DOK1: variants seen among roughly 807,000 people sequenced by gnomAD.
DOK1 encodes docking protein 1.
A neutral mutation model predicts 24.0 loss-of-function variants in DOK1; 12 were observed. The observed-to-expected ratio is 0.50, with a 90% CI of 0.32 to 0.81. The LOEUF is 0.81. DOK1 is among the 30% of genes least tolerant of loss of function. The pLI is 0.03. For missense variants in DOK1, 591 were observed against 620.7 expected, an observed-to-expected ratio of 0.95 and a Z score of 0.51; for synonymous variants, 250 against 260.9, an observed-to-expected ratio of 0.96 and a Z score of 0.40.
At chr2:74,549,933 G>T (rs1676893205), upstream of DOK1, 24 of 981,844 alleles carry the variant, frequency 2.4e-5, no homozygotes, top group Non-Finnish European at 2.9e-5. This position sits in a 1 kb window ranked among gnomAD's most constrained non-coding sequence, Gnocchi z 5.3. Context: ...GAGAAGGAGA[G>T]CACCAGGTGC....
chr2:74,556,944 C>T lies in DOK1; in HGVS notation c.1276C>T (p.Gln426Ter). 1 of 1,614,144 alleles carries T rather than the reference C, an allele frequency of 6.2e-7. No individual in the cohort carries two copies. Among genetic ancestry groups the T allele is most frequent in the Non-Finnish European group, 8.5e-7 (1 of 1,179,992 alleles). ...STKPLLAPKPQGPAFPEPGTA... is the reference protein window; with the variant it reads ...STKPLLAPKP ...AAAGCCCCTCCTTGCTCCCAAGCCCCAGGGCCCAGCCTTCCCTGAACCTGG... is the reference window on the plus strand; with the variant it reads ...AAAGCCCCTCCTTGCTCCCAAGCCCTAGGGCCCAGCCTTCCCTGAACCTGG... Residue 426 changes from glutamine (Q) to a stop codon, truncating the protein, a stop_gained, in exon 5 of 5, where the codon CAG (glutamine) becomes TAG (stop). Transcript: ENST00000233668. LOFTEE classifies it low-confidence loss of function (END_TRUNC). The surrounding 1 kb of genome is among the most constrained non-coding windows in gnomAD (Gnocchi z 4.1).
upstream of DOK1, chr2:74,554,714 C>A (rs1370701971): frequency 5.6e-6 from 9 of 1,603,566 alleles, no homozygotes; most frequent in Non-Finnish European, 6.0e-6. This position sits in a 1 kb window ranked among gnomAD's most constrained non-coding sequence, Gnocchi z 4.9. Flanking sequence ...CCCCGCCTCC[C>A]GCCGCAGGGC....
chr2:74,552,492 C>G (rs1677079370), upstream of DOK1: 1 of 1,613,418 alleles, frequency 6.2e-7, no homozygotes, highest in South Asian at 1.1e-5. Context: ...CCTGGGGAAG[C>G]CAGCCAGCCG....
In DOK1 at chr2:74,557,050, G is replaced by A; in HGVS notation, c.1382G>A (p.Trp461Ter). Reference protein sequence around the residue: ...QVQKSGASGSWDCGLSRVGTD... With the variant: ...QVQKSGASGS ...CAGAAGAGCGGGGCCTCAGGGAGCT[G>A]GGACTGTGGGCTCTCTAGAGTAGGG... Residue 461 changes from tryptophan (W) to a stop codon, truncating the protein, a stop_gained, in exon 5 of 5, where the codon TGG becomes TAG. Coordinates refer to ENST00000233668, the MANE Select transcript of DOK1 (RefSeq NM_001381.5). LOFTEE classifies it high-confidence loss of function. The A allele has an allele frequency of 6.2e-7, 1 of 1,614,148 alleles. No homozygotes were observed. The highest frequency in any genetic ancestry group is 8.5e-7 in the Non-Finnish European group (1 of 1,180,046).
At chr2:74,554,631 A>G, upstream of DOK1, 1 of 867,758 alleles carries the variant, frequency 1.2e-6, no homozygotes, top group South Asian at 1.7e-5. The surrounding 1 kb of genome is among the most constrained non-coding windows in gnomAD (Gnocchi z 4.9). Flanking sequence ...CCCCACCGCG[A>G]CCCCCCCAGC....
rs746386880 is a variant in DOK1, at chr2:74,556,323, G to C, written c.655G>C (p.Glu219Gln). ...CCCTCCTTAGGTCATGTTCTCTTTC[G>C]AGGCCGGCCGCCGCTGCCCCTCAGG... ...YGRDKVMFSF[E>Q]AGRRCPSGPG... is the part of the protein sequence containing the mutation. The change falls in exon 5 of 5, where the codon GAG becomes CAG. Residue 219 changes from glutamate (E) to glutamine (Q), a missense_variant. Coordinates refer to ENST00000233668, the MANE Select transcript of DOK1 (RefSeq NM_001381.5). The surrounding 1 kb of genome is among the most constrained non-coding windows in gnomAD (Gnocchi z 4.1). 53 of 1,612,234 alleles carry C rather than the reference G, an allele frequency of 3.3e-5. No homozygotes were observed. The highest frequency in any genetic ancestry group is 1.0e-4 in the Admixed American group (6 of 59,976).
chr2:74,550,351 G>A (rs143795234), upstream of DOK1: 36 of 1,612,768 alleles, frequency 2.2e-5, 1 homozygote, highest in East Asian at 7.6e-4. Flanking sequence ...GATGCGGCCT[G>A]TGGAAGGGGA....
At chr2:74,550,584 TA>T (rs1676943527), upstream of DOK1, among the ~76,000 whole-genome samples, 1 of 152,096 alleles carries the variant, frequency 6.6e-6, no homozygotes, top group Non-Finnish European at 1.5e-5. Context: ...ATACGGTGAA[TA>T]AAAAACCAAG....
rs762496203 is a variant in DOK1, at chr2:74,556,091, T to C, written c.639+13T>C. The C allele has an allele frequency of 1.3e-6, 2 of 1,564,766 alleles. No individual in the cohort carries two copies. Among genetic ancestry groups the C allele is most frequent in the Admixed American group, 3.7e-5 (2 of 54,226 alleles). ...TGGCCGGGACAAGGTGCAGGGGCTG[T>C]CCGGGAGGGCTTCCTGGGTTGGGCA... is the stretch of plus-strand genomic sequence containing the variant. On this transcript the variant is annotated intron_variant, in intron 4 of 4. Transcript: ENST00000233668. The surrounding 1 kb of genome is among the most constrained non-coding windows in gnomAD (Gnocchi z 4.1).
In DOK1 at chr2:74,555,237, G is replaced by T; in HGVS notation, c.144G>T (p.Ser48=). The T allele has an allele frequency of 6.2e-7, 1 of 1,613,788 alleles. No individual in the cohort carries two copies. ...ARLEFFDHKG[S]SSGGGRGSSR... is the part of the protein sequence containing the mutation. The stretch of plus-strand genomic sequence containing the variant: ...TCGAGTTCTTTGACCATAAGGGGTC[G>T]AGCTCTGGGGGTGGCCGAGGGAGCT... The change falls in exon 2 of 5, where the codon TCG becomes TCT. Residue 48 remains serine (S), a synonymous_variant. Coordinates refer to ENST00000233668, the MANE Select transcript of DOK1 (RefSeq NM_001381.5). This position sits in a 1 kb window ranked among gnomAD's most constrained non-coding sequence, Gnocchi z 6.1.
chr2:74,556,485 G>A lies in DOK1; in HGVS notation c.817G>A (p.Glu273Lys). Reference sequence around the variant, plus strand: ...TCTCAGAGCTGACTCCCATGAAGGGGAGGTGGCAGAGGGGAAGTTGCCTTC... The same window carrying A: ...TCTCAGAGCTGACTCCCATGAAGGGAAGGTGGCAGAGGGGAAGTTGCCTTC... ...DVLRADSHEGEVAEGKLPSPP... is the reference protein window; with the variant it reads ...DVLRADSHEGKVAEGKLPSPP... The change falls in exon 5 of 5, where the codon GAG (glutamate) becomes AAG (lysine). Residue 273 changes from glutamate (E) to lysine (K), a missense_variant. By Grantham distance (56) the Glu-to-Lys change is moderately conservative. Coordinates refer to ENST00000233668, the MANE Select transcript of DOK1 (RefSeq NM_001381.5). This position sits in a 1 kb window ranked among gnomAD's most constrained non-coding sequence, Gnocchi z 4.1. The A allele has an allele frequency of 6.2e-7, 1 of 1,614,206 alleles. No individual in the cohort carries two copies. The highest frequency in any genetic ancestry group is 1.3e-5 in the African/African-American group (1 of 75,054).
rs374291272 is a variant in DOK1 at position 74,556,147 on chromosome 2, T to A, written c.639+69T>A. The A allele has an allele frequency of 2.2e-5, 34 of 1,532,114 alleles. No individual in the cohort carries two copies. The East Asian group carries it at 3.4e-4, about 15-fold the overall frequency. 94.9% of individuals were successfully genotyped at this position (1,532,114 alleles called of 1,614,324 possible). On this transcript the variant is annotated intron_variant, in intron 4 of 4. Coordinates refer to ENST00000233668, the MANE Select transcript of DOK1 (RefSeq NM_001381.5). The surrounding 1 kb of genome is among the most constrained non-coding windows in gnomAD (Gnocchi z 4.1). ...GGGAGGGGTGGGGCAGGACAGAAAG[T>A]GGGAAGCTCTGACCTTTGGATCCCC...
rs1372325780 is a variant in DOK1 at position 74,557,417 on chromosome 2, G to A, written c.*303G>A. The A allele has an allele frequency of 9.3e-6, 3 of 323,938 alleles. No homozygotes were observed. Among genetic ancestry groups the A allele is most frequent in the Non-Finnish European group, 1.7e-5 (3 of 174,516 alleles). The allele number at this position is 323,938 out of a possible 1,614,324, so 20.1% of individuals were successfully genotyped here. A position where few individuals can be genotyped will look rare whatever the true frequency, so the allele number is the denominator to read the frequency against. ...AAAGTGGTGCATGGTCAGAATGGGT[G>A]CAGTTTGAGGGGCCTGTGTGGAGGC... On this transcript the variant is annotated 3_prime_UTR_variant, in exon 5 of 5. Transcript: ENST00000233668.
Position 74,557,128 on chromosome 2 carries a change from G to A in DOK1, c.*14G>A, listed in dbSNP as rs1167156084. ...GGCTCTACCTGAGAAGGACGGCAAG[G>A]CTGAGGTGGCTAAGGGGGACCATGG... On this transcript the variant is annotated 3_prime_UTR_variant, in exon 5 of 5. Coordinates refer to ENST00000233668, the MANE Select transcript of DOK1 (RefSeq NM_001381.5). 7 of 1,596,690 alleles carry A rather than the reference G, an allele frequency of 4.4e-6. No individual in the cohort carries two copies. In the East Asian group the frequency reaches 1.3e-4, roughly 31 times the overall value.
chr2:74,555,516 A>G lies in DOK1; in HGVS notation c.361-59A>G. On this transcript the variant is annotated intron_variant, in intron 2 of 4. Transcript: ENST00000233668. This position sits in a 1 kb window ranked among gnomAD's most constrained non-coding sequence, Gnocchi z 6.1. ...AGAGGCAGAGAAATGGGGCTGCCTC[A>G]GACCGACCCCCGCTCCCCGCTGAGG... 6.2e-7 allele frequency: 1 copy of G among 1,612,742 alleles called. No individual in the cohort carries two copies. The highest frequency in any genetic ancestry group is 1.1e-5 in the South Asian group (1 of 90,908).
chr2:74,554,975 T>C lies in DOK1; in HGVS notation c.60+161T>C. The C allele has an allele frequency of 1.4e-6, 2 of 1,412,432 alleles. No individual in the cohort carries two copies. The highest frequency in any genetic ancestry group is 2.5e-5 in the South Asian group (2 of 81,160). 87.5% of individuals were successfully genotyped at this position (1,412,432 alleles called of 1,614,324 possible). A position where few individuals can be genotyped will look rare whatever the true frequency, so the allele number is the denominator to read the frequency against. ...TTTGCACACTCCCGGGAAGCGTCTG[T>C]AGTCTAGGGGTTCTGGTCCTGGGGA... On this transcript the variant is annotated intron_variant, in intron 1 of 4. Transcript: ENST00000233668. This position sits in a 1 kb window ranked among gnomAD's most constrained non-coding sequence, Gnocchi z 4.9.
At chr2:74,552,321 C>A, upstream of DOK1, 1 of 1,595,142 alleles carries the variant, frequency 6.3e-7, no homozygotes, top group Non-Finnish European at 8.6e-7. Flanking sequence ...TCATTGCTCA[C>A]CTGTTCCAGG....
rs1676817733 is a variant in DOK1, at chr2:74,549,146, C to G, written c.-384C>G. The G allele has an allele frequency of 7.0e-6, 3 of 429,754 alleles. No homozygotes were observed. The highest frequency in any genetic ancestry group is 1.2e-5 in the Non-Finnish European group (3 of 251,334). 26.6% of individuals were successfully genotyped at this position (429,754 alleles called of 1,614,324 possible). ...CGCCCAGGCGTCGGCCACGAGAGAG[C>G]GGGAGCCTCGCTGGTCCCCATTTCA... On this transcript the variant is annotated 5_prime_UTR_variant, in exon 1 of 5. Transcript: ENST00000409429. The surrounding 1 kb of genome is among the most constrained non-coding windows in gnomAD (Gnocchi z 5.3).
chr2:74,556,076 A>G lies in DOK1; in HGVS notation c.637A>G (p.Lys213Glu). Residue 213 changes from lysine (K) to glutamate (E), a missense_variant and splice_region_variant, in exon 4 of 5, where the codon AAG (lysine) becomes GAG (glutamate). Lys to Glu is a moderately conservative substitution (Grantham distance 56, BLOSUM62 1). Transcript: ENST00000233668. The surrounding 1 kb of genome is among the most constrained non-coding windows in gnomAD (Gnocchi z 4.1). ...TCTGTTGCGTCGCTATGGCCGGGACAAGGTGCAGGGGCTGTCCGGGAGGGC... is the reference window on the plus strand; with the variant it reads ...TCTGTTGCGTCGCTATGGCCGGGACGAGGTGCAGGGGCTGTCCGGGAGGGC... ...YTLLRRYGRD[K>E]VMFSFEAGRR... is the part of the protein sequence containing the mutation. 1 of 1,590,400 alleles carries G rather than the reference A, an allele frequency of 6.3e-7. No individual in the cohort carries two copies. Among genetic ancestry groups the G allele is most frequent in the Non-Finnish European group, 8.6e-7 (1 of 1,166,412 alleles).
Sources: gnomAD v4.1 joint callset for allele counts (sites outside exome capture counted in the v4.1 genomes callset) on GRCh38, gnomAD v4.1.1 for gene constraint, Gnocchi (gnomAD v3.1) non-coding constraint, MANE v1.5 for transcripts, NCBI Gene and HGNC (gene_info 2026-07-23, HGNC 2026-07-21) for gene names.